The following SOX5 variants were observed in gnomAD, a reference collection of about 807,000 sequenced individuals.
The protein encoded by SOX5 is transcription factor SOX-5.
In SOX5, 9 loss-of-function variants were observed where a neutral mutation model predicts 92.0. The ratio of observed to expected loss-of-function variants is 0.10; its 90% CI spans 0.06 to 0.17. The LOEUF is 0.17. SOX5 is among the 10% of genes least tolerant of loss of function. The pLI is 1.00. For synonymous variants in SOX5, 344 were observed against 336.3 expected, an observed-to-expected ratio of 1.02 and a Z score of -0.25; for missense variants, 642 against 944.5, an observed-to-expected ratio of 0.68 and a Z score of 4.20.
At chr12:23,997,036 A>G (rs1306485864) in intron 4 of SOX5, among the ~76,000 whole-genome samples, 1 of 152,238 alleles carries the variant, frequency 6.6e-6, no homozygotes, top group East Asian at 1.9e-4. Context: ...AGCACTCAGC[A>G]TATTTTCTCA....
At chr12:23,667,639 G>C (rs1264268278) in intron 6 of SOX5, among the ~76,000 whole-genome samples, 1 of 152,048 alleles carries the variant, frequency 6.6e-6, no homozygotes, top group Non-Finnish European at 1.5e-5. Context: ...CCAAACTTAC[G>C]CTGGAACTGC....
intron 3 of SOX5, among the ~76,000 whole-genome samples, chr12:24,252,629 G>T (rs1940332089): frequency 6.6e-6 from 1 of 151,792 alleles, no homozygotes; most frequent in African/African-American, 2.4e-5. Context: ...GCAAGATTTG[G>T]CTTTTGGAAT....
At chr12:23,993,912 T>TATGTATGTATGC (rs1211775257) in intron 4 of SOX5, among the ~76,000 whole-genome samples, 8 of 148,452 alleles carry the variant, frequency 5.4e-5, no homozygotes, top group Non-Finnish European at 6.0e-5. Flanking sequence ...TGTATGTATG[T>TATGTATGTATGC]ATGCATGTAT....
At chr12:24,050,084 C>CAA (rs10687571) in intron 4 of SOX5, among the ~76,000 whole-genome samples, 22,471 of 73,764 alleles carry the variant, frequency 0.3, 4,204 homozygotes, top group Middle Eastern at 0.4. Flanking sequence ...GGCGCAGAGG[C>CAA]AAAAAAAAAA....
Position 24,457,774 on chromosome 12 carries a change from C to A in SOX5, c.-250-89135G>T, listed in dbSNP as rs148954618. On this transcript the variant is annotated intron_variant, in intron 1 of 4. Coordinates refer to the SOX5 transcript ENST00000446891. Reference sequence around the variant, plus strand: ...TGTCTCCATTCTTGCATAAACAGAACAATGTTCTATTTATTTCCAACATAT... The same window carrying A: ...TGTCTCCATTCTTGCATAAACAGAAAAATGTTCTATTTATTTCCAACATAT... Among the ~76,000 whole-genome samples, 583 of 152,168 alleles carry A rather than the reference C, an allele frequency of 3.8e-3. 5 individuals carry two copies. The highest frequency in any genetic ancestry group is 0.013 in the African/African-American group (542 of 41,540).
chr12:24,239,270 C>CAGT (rs1422535737), intron 3 of SOX5, among the ~76,000 whole-genome samples: 1 of 152,204 alleles, frequency 6.6e-6, no homozygotes, highest in African/African-American at 2.4e-5. Flanking sequence ...GATGCTTGGG[C>CAGT]AGTAGCTCCC....
At chr12:24,386,566 T>C (rs1056271963) in intron 1 of SOX5, among the ~76,000 whole-genome samples, 1 of 152,106 alleles carries the variant, frequency 6.6e-6, no homozygotes, top group Admixed American at 6.6e-5. Context: ...ACAACATACA[T>C]AAATATATGA....
At chr12:23,856,319 C>T (rs77717750) in intron 2 of SOX5, among the ~76,000 whole-genome samples, 2,855 of 152,184 alleles carry the variant, frequency 0.019, 85 homozygotes, top group African/African-American at 0.064. Context: ...ACATAAAAAG[C>T]ACCTTTACAT....
chr12:23,948,763 C>T (rs1457151008), intron 1 of SOX5, among the ~76,000 whole-genome samples: 1 of 152,070 alleles, frequency 6.6e-6, no homozygotes, highest in Admixed American at 6.5e-5. Context: ...GGCTAAAATT[C>T]TTTCAAAGCC....
At chr12:23,731,545 T>C (rs1248922370) in intron 6 of SOX5, among the ~76,000 whole-genome samples, 1 of 152,128 alleles carries the variant, frequency 6.6e-6, no homozygotes, top group Non-Finnish European at 1.5e-5. Context: ...ATATTTCAAA[T>C]GGAATAAAGA....
intron 2 of SOX5, among the ~76,000 whole-genome samples, chr12:23,890,605 G>A (rs996254651): frequency 6.6e-6 from 1 of 152,016 alleles, no homozygotes; most frequent in African/African-American, 2.4e-5. Context: ...TTCTGATATT[G>A]CTACTTGATT....
chr12:23,853,048 T>C (rs1268847748), intron 2 of SOX5, among the ~76,000 whole-genome samples: 1 of 151,302 alleles, frequency 6.6e-6, no homozygotes, highest in Non-Finnish European at 1.5e-5. Flanking sequence ...GAAAAGGTAA[T>C]ATATTCCAGG....
chr12:24,268,850 G>A (rs1301915845), intron 3 of SOX5, among the ~76,000 whole-genome samples: 1 of 152,098 alleles, frequency 6.6e-6, no homozygotes, highest in South Asian at 2.1e-4. Context: ...ATCTACAGGT[G>A]GCAGACCTTT....
At chr12:23,810,127 T>C (rs1428729942) in intron 3 of SOX5, among the ~76,000 whole-genome samples, 2 of 152,156 alleles carry the variant, frequency 1.3e-5, no homozygotes, top group African/African-American at 2.4e-5. Flanking sequence ...GCAGGTGCAA[T>C]ACTATCTTCT....
intron 4 of SOX5, among the ~76,000 whole-genome samples, chr12:24,040,302 G>T (rs751427252): frequency 2.0e-5 from 3 of 152,148 alleles, no homozygotes; most frequent in Non-Finnish European, 4.4e-5. Flanking sequence ...GCATCTCTGA[G>T]TCTTTACTTT....
At chr12:24,073,780 C>A (rs890311242) in intron 4 of SOX5, among the ~76,000 whole-genome samples, 3 of 152,092 alleles carry the variant, frequency 2.0e-5, no homozygotes, top group Non-Finnish European at 4.4e-5. Context: ...TTTTTGATAT[C>A]TTCTGAGAGG....
At chr12:24,012,261 T>C (rs1459693963) in intron 4 of SOX5, among the ~76,000 whole-genome samples, 1 of 152,148 alleles carries the variant, frequency 6.6e-6, no homozygotes, top group Admixed American at 6.6e-5. Flanking sequence ...TGAAGTATGT[T>C]CCCTTGGCAA....
chr12:24,561,219 T>C (rs1314700444), intron 1 of SOX5, among the ~76,000 whole-genome samples: 1 of 152,088 alleles, frequency 6.6e-6, no homozygotes, highest in Admixed American at 6.5e-5. Flanking sequence ...TGGCACCGAG[T>C]GTAGGGCTCT....
intron 1 of SOX5, among the ~76,000 whole-genome samples, chr12:24,501,956 T>C (rs1948248954): frequency 6.6e-6 from 1 of 152,154 alleles, no homozygotes; most frequent in Non-Finnish European, 1.5e-5. Flanking sequence ...TTCCAGAGCA[T>C]CCTGGGAAAA....
Sources: allele counts gnomAD v4.1 joint callset (sites outside exome capture counted in the v4.1 genomes callset), GRCh38; gene constraint gnomAD v4.1.1; transcripts MANE v1.5; gene names NCBI Gene and HGNC (gene_info 2026-07-23, HGNC 2026-07-21).